LGR6: variants seen among roughly 807,000 people sequenced by gnomAD.
LGR6 encodes the protein leucine rich repeat containing G protein-coupled receptor 6.
A neutral mutation model predicts 69.4 loss-of-function variants in LGR6; 45 were observed. That is an observed-to-expected ratio of 0.65 (90% CI 0.51 to 0.83). The LOEUF (loss-of-function observed/expected upper bound fraction) is 0.83. LGR6 is among the 40% of genes least tolerant of loss of function. The pLI is 0.00. For synonymous variants in LGR6, 538 were observed against 555.0 expected (o/e 0.97, Z 0.43); for missense variants, 1,108 against 1,246.7 (o/e 0.89, Z 1.68).
intron 14 of LGR6, 88 bp downstream of exon 14, chr1:202,307,489 G>A: frequency 9.6e-7 from 1 of 1,038,378 alleles, no homozygotes; most frequent in Non-Finnish European, 1.5e-6. Flanking sequence ...CCACCCCAGA[G>A]CAGGAACATG....
rs538549870 is a variant in LGR6, at chr1:202,268,829, G to A, written c.429-7477G>A. Among the ~76,000 whole-genome samples, 3 of 152,310 alleles carry A rather than the reference G, an allele frequency of 2.0e-5. No individual in the cohort carries two copies. Among genetic ancestry groups the A allele is most frequent in the South Asian group, 2.1e-4 (1 of 4,828 alleles). On this transcript the variant is annotated intron_variant, in intron 4 of 17. Coordinates refer to ENST00000367278, the MANE Select transcript of LGR6 (RefSeq NM_001017403.2). This position sits in a 1 kb window ranked among gnomAD's most constrained non-coding sequence, Gnocchi z 4.4. The stretch of plus-strand genomic sequence containing the variant: ...AGCAGAGCCGACCTCATGGGCCTGC[G>A]ACCTGTGTGGTTGCCAGGGCCCTGA...
chr1:202,222,828 C>T (rs183131948), intron 1 of LGR6, among the ~76,000 whole-genome samples: 4 of 152,304 alleles, frequency 2.6e-5, no homozygotes, highest in East Asian at 1.9e-4. Context: ...ACAGGCTGGG[C>T]GCAGTGGCTC....
At chr1:202,233,619 C>G (rs12060619) in intron 3 of LGR6, among the ~76,000 whole-genome samples, 1 of 152,118 alleles carries the variant, frequency 6.6e-6, no homozygotes, top group African/African-American at 2.4e-5. Flanking sequence ...CACCTTCTGG[C>G]AGCCTCTTCC....
chr1:202,207,470 C>T (rs567540291), intron 1 of LGR6, among the ~76,000 whole-genome samples: 2 of 152,266 alleles, frequency 1.3e-5, no homozygotes, highest in African/African-American at 2.4e-5. Flanking sequence ...GCACAGGGGG[C>T]ACACCAGAGT....
intron 6 of LGR6, among the ~76,000 whole-genome samples, chr1:202,281,590 C>G (rs971539298): frequency 7.9e-5 from 12 of 152,126 alleles, no homozygotes; most frequent in African/African-American, 2.7e-4. Context: ...GCTGGGGTCC[C>G]TCAGCATCCA....
Position 202,319,461 on chromosome 1 carries a change from G to A in LGR6, c.*254G>A. 2 of 458,268 alleles carry A rather than the reference G, an allele frequency of 4.4e-6. No individual in the cohort carries two copies. Among genetic ancestry groups the A allele is most frequent in the Non-Finnish European group, 7.6e-6 (2 of 261,786 alleles). The allele number at this position is 458,268 out of a possible 1,614,324, so 28.4% of individuals were successfully genotyped here. A position where few individuals can be genotyped will look rare whatever the true frequency, so the allele number is the denominator to read the frequency against. ...TCTTCCTTGTCATGTCTGAAGCTGT[G>A]GACCAGAGACCTGGACTTTTGTCTG... is the stretch of plus-strand genomic sequence containing the variant. On this transcript the variant is annotated 3_prime_UTR_variant, in exon 18 of 18. Transcript: ENST00000367278.
At chr1:202,205,030 T>TCCCTCACACACA (rs1362410379) in intron 1 of LGR6, among the ~76,000 whole-genome samples, 1 of 12,108 alleles carries the variant, frequency 8.3e-5, no homozygotes, top group Non-Finnish European at 1.7e-4. Context: ...CTCACACACC[T>TCCCTCACACACA]CCTTCAAACA....
intron 1 of LGR6, among the ~76,000 whole-genome samples, chr1:202,222,744 C>T (rs561063828): frequency 6.6e-6 from 1 of 152,304 alleles, no homozygotes; most frequent in South Asian, 2.1e-4. Flanking sequence ...TGCACCTTCG[C>T]ATTTCAGCCA....
intron 9 of LGR6, 112 bp downstream of exon 9, chr1:202,301,347 C>G (rs1450733395): frequency 2.2e-6 from 2 of 908,316 alleles, no homozygotes. Flanking sequence ...CACAAGTCCA[C>G]TGCAAAGCGT....
intron 4 of LGR6, among the ~76,000 whole-genome samples, chr1:202,242,025 A>G (rs1002260963): frequency 2.0e-5 from 3 of 152,186 alleles, no homozygotes; most frequent in African/African-American, 7.2e-5. Flanking sequence ...AAGGTGGAGA[A>G]GCCAGGGTGG....
At chr1:202,229,294 C>T (rs867588198) in intron 3 of LGR6, among the ~76,000 whole-genome samples, 2 of 152,298 alleles carry the variant, frequency 1.3e-5, no homozygotes, top group South Asian at 4.2e-4. Flanking sequence ...CACCTTGTCT[C>T]CCCCTTCTCC....
At chr1:202,217,963 A>C (rs1007029437) in intron 1 of LGR6, among the ~76,000 whole-genome samples, 4 of 152,202 alleles carry the variant, frequency 2.6e-5, no homozygotes. Context: ...ATATTTGTGA[A>C]AATTGCAAAA....
chr1:202,206,291 C>T (rs927681254), intron 1 of LGR6, among the ~76,000 whole-genome samples: 10 of 152,220 alleles, frequency 6.6e-5, no homozygotes, highest in African/African-American at 1.4e-4. Context: ...ATGAGCATTG[C>T]GACAGGACCT....
intron 4 of LGR6, among the ~76,000 whole-genome samples, chr1:202,267,944 T>A (rs962498700): frequency 6.6e-6 from 1 of 152,076 alleles, no homozygotes; most frequent in East Asian, 1.9e-4. Context: ...TGATAGGTAG[T>A]GAGGGAGGGA....
At position 202,318,933 on chromosome 1, in the gene LGR6, A is replaced by G. The variant is rs922677874; in HGVS notation, c.2630A>G (p.Asp877Gly). The part of the protein sequence containing the change: ...TQALVAFSDV[D>G]LILEASEAGR... Reference sequence around the variant, plus strand: ...GCCCTGGTAGCCTTCTCTGATGTGGATCTCATTCTGGAAGCTTCTGAAGCT... The same window carrying G: ...GCCCTGGTAGCCTTCTCTGATGTGGGTCTCATTCTGGAAGCTTCTGAAGCT... Residue 877 changes from aspartate to glycine, a missense_variant, in exon 18 of 18, where the codon GAT (aspartate) becomes GGT (glycine). Transcript: ENST00000367278. 1 of 1,613,710 alleles carries G rather than the reference A, an allele frequency of 6.2e-7. No individual in the cohort carries two copies. The highest frequency in any genetic ancestry group is 1.3e-5 in the African/African-American group (1 of 74,856).
chr1:202,253,844 C>T (rs1406321780), intron 4 of LGR6, among the ~76,000 whole-genome samples: 5 of 116,344 alleles, frequency 4.3e-5, no homozygotes, highest in Non-Finnish European at 6.7e-5. Flanking sequence ...CTCGCTCTGT[C>T]GCCCAGGCTG....
rs146776936 is a variant in LGR6 at position 202,226,015 on chromosome 1, A to G, written c.284+521A>G. Among the ~76,000 whole-genome samples, 582 of 152,220 alleles carry G rather than the reference A, an allele frequency of 3.8e-3. 2 individuals carry two copies. The highest frequency in any genetic ancestry group is 6.3e-3 in the Non-Finnish European group (430 of 67,992). On this transcript the variant is annotated intron_variant, in intron 2 of 17. Transcript: ENST00000367278. ...GCTCAAAAGCCTTCTGTAATTCCCCATGGCCTAAAGGATCCATTTCTTAGA... is the reference window on the plus strand; with the variant it reads ...GCTCAAAAGCCTTCTGTAATTCCCCGTGGCCTAAAGGATCCATTTCTTAGA...
chr1:202,291,214 T>C (rs1666767709), intron 6 of LGR6, among the ~76,000 whole-genome samples: 1 of 152,356 alleles, frequency 6.6e-6, no homozygotes, highest in South Asian at 2.1e-4. Context: ...GGTTTCTCTT[T>C]AACTTCAGTC....
At chr1:202,236,237 G>A (rs1408326228) in intron 4 of LGR6, 7 of 543,284 alleles carry the variant, frequency 1.3e-5, no homozygotes, top group Admixed American at 3.2e-5. Context: ...CTGGGGGACT[G>A]TGGGAATGGG....
Sources: allele counts gnomAD v4.1 joint callset (sites outside exome capture counted in the v4.1 genomes callset), GRCh38; gene constraint gnomAD v4.1.1; non-coding constraint Gnocchi (gnomAD v3.1); transcripts MANE v1.5; gene names NCBI Gene and HGNC (gene_info 2026-07-23, HGNC 2026-07-21).